Variants in STX11 observed in about 807,000 individuals in gnomAD.
The protein encoded by STX11 is syntaxin 11.
STX11 carries 21 observed loss-of-function variants against 19.9 expected under a neutral mutation model. The observed-to-expected ratio is 1.06, with a 90% CI of 0.75 to 1.52. The LOEUF (loss-of-function observed/expected upper bound fraction) is 1.52. Among genes scored for constraint, STX11 ranks in the 40% most tolerant of loss-of-function variants. The pLI, the probability that STX11 is intolerant of heterozygous loss-of-function variation, is 0.00. For synonymous variants in STX11, 193 were observed against 174.4 expected (o/e 1.11, Z -0.84); for missense variants, 438 against 405.9 (o/e 1.08, Z -0.68).
At position 144,187,212 on chromosome 6, in the gene STX11, C is replaced by G. The variant is rs147525157; in HGVS notation, c.585C>G (p.Ala195=). 16 of 1,613,816 alleles carry G rather than the reference C, an allele frequency of 9.9e-6. No homozygotes were observed. Among genetic ancestry groups the G allele is most frequent in the Admixed American group, 1.7e-5 (1 of 60,008 alleles). ...ACGTGTTTTCCGAGAACTTGCTGGC[C>G]GACGTGAAGGGCGCGCGGGCCGCCC... ...KWDVFSENLL[A]DVKGARAALN... Residue 195 remains alanine, a synonymous_variant, in exon 2 of 2, where the codon GCC becomes GCG. Transcript: ENST00000367568. This position sits in a 1 kb window ranked among gnomAD's most constrained non-coding sequence, Gnocchi z 5.6.
intron 1 of STX11, among the ~76,000 whole-genome samples, chr6:144,156,158 G>A (rs1801159169): frequency 7.2e-6 from 1 of 138,876 alleles, no homozygotes; most frequent in African/African-American, 2.6e-5. Flanking sequence ...TCCACCTCCC[G>A]GGTTCAAGCA....
upstream of STX11, among the ~76,000 whole-genome samples, chr6:144,149,860 T>C (rs2128745199): frequency 6.6e-6 from 1 of 152,286 alleles, no homozygotes; most frequent in East Asian, 1.9e-4. This position sits in a 1 kb window ranked among gnomAD's most constrained non-coding sequence, Gnocchi z 5.1. Flanking sequence ...CCTGGCACAA[T>C]CCACACTTTC....
Position 144,191,073 on chromosome 6 carries a change from A to G in STX11, c.*3582A>G, listed in dbSNP as rs1003685705. ...ACACTCATATCTTTTAGGGTACAAA[A>G]TGAAAGAACAAATCACAAAGAACAA... On this transcript the variant is annotated 3_prime_UTR_variant, in exon 2 of 2. Coordinates refer to ENST00000367568, the MANE Select transcript of STX11 (RefSeq NM_003764.4). 5.9e-5 allele frequency among the ~76,000 whole-genome samples: 9 copies of G among 152,030 alleles called. No homozygotes were observed. Among genetic ancestry groups the G allele is most frequent in the African/African-American group, 2.2e-4 (9 of 41,386 alleles).
Position 144,187,635 on chromosome 6 carries a change from G to A in STX11, c.*144G>A, listed in dbSNP as rs1384394894. ...TTTAGAAAAGAAACGCCAGGTTCAA[G>A]AATTGCAAACCAGCCTGTGCTTGGA... On this transcript the variant is annotated 3_prime_UTR_variant, in exon 2 of 2. Coordinates refer to ENST00000367568, the MANE Select transcript of STX11 (RefSeq NM_003764.4). The surrounding 1 kb of genome is among the most constrained non-coding windows in gnomAD (Gnocchi z 5.6). 8.8e-7 allele frequency: 1 copy of A among 1,131,590 alleles called. No homozygotes were observed. Among genetic ancestry groups the A allele is most frequent in the Non-Finnish European group, 1.3e-6 (1 of 788,076 alleles). The allele number at this position is 1,131,590 out of a possible 1,614,324, so 70.1% of individuals were successfully genotyped here. A position where few individuals can be genotyped will look rare whatever the true frequency, so the allele number is the denominator to read the frequency against.
Position 144,174,472 on chromosome 6 carries a change from C to T in STX11, c.-5-12151C>T, listed in dbSNP as rs775375541. ...GCAACCTCTGCATCCCAGGTTCAAG[C>T]GATCTTCCAGCCTTAGCCTCCCGAG... On this transcript the variant is annotated intron_variant, in intron 1 of 1. Coordinates refer to ENST00000367568, the MANE Select transcript of STX11 (RefSeq NM_003764.4). This position sits in a 1 kb window ranked among gnomAD's most constrained non-coding sequence, Gnocchi z 5.3. 1.3e-5 allele frequency among the ~76,000 whole-genome samples: 2 copies of T among 152,072 alleles called. No individual in the cohort carries two copies. The highest frequency in any genetic ancestry group is 1.9e-4 in the East Asian group (1 of 5,180).
chr6:144,163,431 A>G (rs1350805022), intron 1 of STX11, among the ~76,000 whole-genome samples: 1 of 152,088 alleles, frequency 6.6e-6, no homozygotes, highest in African/African-American at 2.4e-5. Flanking sequence ...AACTTAGCCC[A>G]TGGTGAGACA....
At chr6:144,144,514 A>G in the STX11 span, among the ~76,000 whole-genome samples, 1 of 152,230 alleles carries the variant, frequency 6.6e-6, no homozygotes, top group African/African-American at 2.4e-5. Flanking sequence ...ACCAGAATCT[A>G]GAAAGTGCTG....
the STX11 span, among the ~76,000 whole-genome samples, chr6:144,142,918 A>G: frequency 1.3e-5 from 2 of 152,232 alleles, no homozygotes; most frequent in East Asian, 3.8e-4. Flanking sequence ...AATGTTTCCA[A>G]CATATGGAAA....
At chr6:144,173,693 C>A (rs911195579) in intron 1 of STX11, among the ~76,000 whole-genome samples, 2 of 152,206 alleles carry the variant, frequency 1.3e-5, no homozygotes, top group Non-Finnish European at 2.9e-5. Flanking sequence ...CATTTTCAGC[C>A]TTTGGAGCTG....
At chr6:144,150,088 G>A (rs1030517117), upstream of STX11, among the ~76,000 whole-genome samples, 1 of 152,164 alleles carries the variant, frequency 6.6e-6, no homozygotes, top group Non-Finnish European at 1.5e-5. Flanking sequence ...CGTCCTCGAG[G>A]GTCCCAGGGA....
At chr6:144,148,942 G>A (rs1800928581), upstream of STX11, among the ~76,000 whole-genome samples, 1 of 152,146 alleles carries the variant, frequency 6.6e-6, no homozygotes, top group Admixed American at 6.5e-5. Context: ...ATATTGGTCA[G>A]GTATTTTGTA....
chr6:144,178,422 C>T (rs1353765714), intron 1 of STX11, among the ~76,000 whole-genome samples: 1 of 152,190 alleles, frequency 6.6e-6, no homozygotes, highest in Non-Finnish European at 1.5e-5. Context: ...CTTTGATTTC[C>T]CGTGCATTTC....
intron 1 of STX11, among the ~76,000 whole-genome samples, chr6:144,161,620 A>G (rs1365621888): frequency 6.6e-6 from 1 of 152,116 alleles, no homozygotes; most frequent in Non-Finnish European, 1.5e-5. Flanking sequence ...CACCCACCTC[A>G]GCCTCCCGAA....
intron 1 of STX11, among the ~76,000 whole-genome samples, chr6:144,173,380 G>A (rs2128752231): frequency 6.6e-6 from 1 of 152,304 alleles, no homozygotes; most frequent in East Asian, 1.9e-4. Context: ...GAGTCTTAGA[G>A]CTCACTTTGT....
At chr6:144,164,067 C>G (rs57911145) in intron 1 of STX11, among the ~76,000 whole-genome samples, 9,580 of 152,258 alleles carry the variant, frequency 0.063, 955 homozygotes, top group African/African-American at 0.21. Flanking sequence ...CTGACCTCAT[C>G]ATATCATGCC....
chr6:144,158,881 C>T (rs897354290), intron 1 of STX11, among the ~76,000 whole-genome samples: 1 of 152,194 alleles, frequency 6.6e-6, no homozygotes, highest in Non-Finnish European at 1.5e-5. Context: ...ACTTTCCAGG[C>T]TTCATGCCTT....
chr6:144,180,103 C>T lies in STX11; in HGVS notation c.-5-6520C>T, dbSNP rs912962791. Among the ~76,000 whole-genome samples, 1 of 152,138 alleles carries T rather than the reference C, an allele frequency of 6.6e-6. No individual in the cohort carries two copies. The highest frequency in any genetic ancestry group is 1.5e-5 in the Non-Finnish European group (1 of 68,042). On this transcript the variant is annotated intron_variant, in intron 1 of 1. Transcript: ENST00000367568. The surrounding 1 kb of genome is among the most constrained non-coding windows in gnomAD (Gnocchi z 5.3). The stretch of plus-strand genomic sequence containing the variant: ...TGAGCTGCTCTGTATTGCATATTCC[C>T]ATGTCTGAAAATTTCTCACTACTTG...
intron 1 of STX11, among the ~76,000 whole-genome samples, chr6:144,179,849 A>G (rs891565263): frequency 6.6e-6 from 1 of 152,242 alleles, no homozygotes; most frequent in East Asian, 1.9e-4. Flanking sequence ...TACAATTGGT[A>G]TAAAATTAGG....
chr6:144,187,814 G>A lies in STX11; in HGVS notation c.*323G>A, dbSNP rs1391108041. On this transcript the variant is annotated 3_prime_UTR_variant, in exon 2 of 2. Transcript: ENST00000367568. The surrounding 1 kb of genome is among the most constrained non-coding windows in gnomAD (Gnocchi z 5.6). ...GTATCTGACTGTAGGGTGAATGTCTGAGGCCTGCCTCCTAATAAAGACTCA... is the reference window on the plus strand; with the variant it reads ...GTATCTGACTGTAGGGTGAATGTCTAAGGCCTGCCTCCTAATAAAGACTCA... The A allele has an allele frequency of 2.2e-6, 1 of 465,086 alleles. No individual in the cohort carries two copies. The highest frequency in any genetic ancestry group is 2.8e-5 in the South Asian group (1 of 35,420). 28.8% of individuals were successfully genotyped at this position (465,086 alleles called of 1,614,324 possible).
Sources: allele counts gnomAD v4.1 joint callset (sites outside exome capture counted in the v4.1 genomes callset), GRCh38; gene constraint gnomAD v4.1.1; non-coding constraint Gnocchi (gnomAD v3.1); transcripts MANE v1.5; gene names NCBI Gene and HGNC (gene_info 2026-07-23, HGNC 2026-07-21).